The following EML5 variants were observed in gnomAD, a reference collection of about 807,000 sequenced individuals.
EML5 encodes the protein EMAP like 5.
Under a neutral mutation model 250.0 loss-of-function variants are expected in EML5, and 120 were observed. That is an observed-to-expected ratio of 0.48 (90% CI 0.41 to 0.56). The LOEUF is 0.56. Among genes scored for constraint, EML5 ranks in the 20% least tolerant of loss-of-function variants. The probability of loss-of-function intolerance (pLI) is 0.00; values close to 1 mark genes in which losing one functional copy is unlikely to be tolerated. For synonymous variants in EML5, 771 were observed against 806.5 expected (o/e 0.96, Z 0.75); for missense variants, 2,006 against 2,437.6 (o/e 0.82, Z 3.73).
At chr14:88,657,623 G>T in intron 26 of EML5, 121 bp from the exon 27 acceptor site, 1 of 914,850 alleles carries the variant, frequency 1.1e-6, no homozygotes, top group Non-Finnish European at 1.5e-6. Flanking sequence ...AGCAAATTAT[G>T]AAGTAATATA....
chr14:88,765,004 T>C (rs1184583662), intron 1 of EML5, among the ~76,000 whole-genome samples: 1 of 152,196 alleles, frequency 6.6e-6, no homozygotes. Context: ...TTCTATGCCA[T>C]GAATAATAAA....
In EML5 at chr14:88,622,687, C is replaced by T. The variant is rs755300657; in HGVS notation, c.4930G>A (p.Asp1644Asn). 3 of 1,609,616 alleles carry T rather than the reference C, an allele frequency of 1.9e-6. No individual in the cohort carries two copies. The South Asian group carries it at 3.3e-5, about 18-fold the overall frequency. ...SKEGGAVKLW[D>N]QELRRCRAFR... is the part of the protein sequence containing the mutation. ...GCACGGCACCGCCTCAGTTCCTGAT[C>T]CCACAGTTTAACCGCTCCTCCTTCT... is the stretch of plus-strand genomic sequence containing the variant. The change falls in exon 37 of 44, where the codon GAT becomes AAT. Residue 1644 changes from aspartate (D) to asparagine (N), a missense_variant. Coordinates refer to ENST00000554922, the MANE Select transcript of EML5 (RefSeq NM_183387.3).
At chr14:88,789,849 T>A (rs1595897880) in intron 1 of EML5, among the ~76,000 whole-genome samples, 1 of 152,368 alleles carries the variant, frequency 6.6e-6, no homozygotes, top group South Asian at 2.1e-4. Context: ...AACAGTTCTA[T>A]CCTCAGACTA....
intron 4 of EML5, among the ~76,000 whole-genome samples, chr14:88,741,253 A>C (rs2093921255): frequency 6.6e-6 from 1 of 152,166 alleles, no homozygotes; most frequent in Non-Finnish European, 1.5e-5. Flanking sequence ...AAGAAAAAGG[A>C]CCAAATCTAA....
chr14:88,713,284 C>T (rs759652483), intron 9 of EML5, among the ~76,000 whole-genome samples: 55 of 151,726 alleles, frequency 3.6e-4, no homozygotes, highest in Non-Finnish European at 7.2e-4. Flanking sequence ...CTCAGCTACT[C>T]GGGAGGCTGA....
Position 88,744,064 on chromosome 14 carries a change from G to A in EML5, c.484C>T (p.Gln162Ter). The part of the protein sequence containing the change: ...RIFDISWDLY[Q>*]PNKLVSCGVK... ...CCACAGCTGACAAGTTTATTTGGCT[G>A]GTACAAATCCCAAGAAATATCAAAT... The change falls in exon 4 of 44, where the codon CAG becomes TAG. Residue 162 changes from glutamine to a stop codon, truncating the protein, a stop_gained. Transcript: ENST00000554922. LOFTEE classifies it high-confidence loss of function. 6.4e-7 allele frequency: 1 copy of A among 1,572,380 alleles called. No individual in the cohort carries two copies. The highest frequency in any genetic ancestry group is 1.2e-5 in the South Asian group (1 of 85,076).
chr14:88,637,913 G>A (rs2090832032), intron 32 of EML5, among the ~76,000 whole-genome samples: 1 of 152,048 alleles, frequency 6.6e-6, no homozygotes, highest in Non-Finnish European at 1.5e-5. Flanking sequence ...GTAGAAAACT[G>A]TACAAAAAGG....
intron 21 of EML5, among the ~76,000 whole-genome samples, chr14:88,676,790 T>C (rs114018029): frequency 0.01 from 1,562 of 152,220 alleles, 25 homozygotes; most frequent in African/African-American, 0.036. Context: ...AACAGACACA[T>C]AGACCAAGGG....
intron 14 of EML5, among the ~76,000 whole-genome samples, chr14:88,698,993 G>A (rs368519322): frequency 4.6e-5 from 7 of 152,112 alleles, no homozygotes; most frequent in South Asian, 4.1e-4. Flanking sequence ...TGCCAGTAGC[G>A]AATAAGTGGA....
chr14:88,647,687 CAAAAAAAA>C (rs34191990), intron 28 of EML5, among the ~76,000 whole-genome samples: 1 of 48,744 alleles, frequency 2.1e-5, no homozygotes, highest in East Asian at 6.0e-4. Flanking sequence ...GAGACCGTCT[CAAAAAAAA>C]AAAAAAAAAA....
intron 27 of EML5, among the ~76,000 whole-genome samples, chr14:88,655,614 A>C (rs1228798265): frequency 1.3e-5 from 2 of 152,214 alleles, no homozygotes; most frequent in African/African-American, 4.8e-5. Context: ...ACAAAAGCAA[A>C]AATTGACAAA....
intron 9 of EML5, 65 bp from the exon 10 acceptor site, chr14:88,712,548 T>A: frequency 2.3e-6 from 3 of 1,329,718 alleles, no homozygotes; most frequent in South Asian, 3.0e-5. Context: ...GCCTAAACTG[T>A]ACTGAGAACA....
chr14:88,644,377 T>C, intron 30 of EML5, 56 bp downstream of exon 30: 1 of 1,535,496 alleles, frequency 6.5e-7, no homozygotes. Context: ...TTGGGTGTTT[T>C]ATAAAAAAGA....
In EML5 at chr14:88,688,485, A is replaced by C; in HGVS notation, c.2540-12T>G. On this transcript the variant is annotated splice_polypyrimidine_tract_variant and intron_variant, in intron 17 of 43. Coordinates refer to ENST00000554922, the MANE Select transcript of EML5 (RefSeq NM_183387.3). Reference sequence around the variant, plus strand: ...AATCAATCCTCCCCCTAGTTCACAAAAAATATTATGAAAGTACCACTTTCA... The same window carrying C: ...AATCAATCCTCCCCCTAGTTCACAACAAATATTATGAAAGTACCACTTTCA... 6.2e-7 allele frequency: 1 copy of C among 1,612,344 alleles called. No homozygotes were observed. Among genetic ancestry groups the C allele is most frequent in the Middle Eastern group, 1.7e-4 (1 of 6,058 alleles).
chr14:88,679,198 T>A (rs372370268), intron 21 of EML5, among the ~76,000 whole-genome samples: 1 of 150,014 alleles, frequency 6.7e-6, no homozygotes, highest in African/African-American at 2.5e-5. Context: ...TTATATCTGC[T>A]AATACTCTAT....
chr14:88,702,425 T>C (rs374602200), intron 14 of EML5, 21 bp downstream of exon 14: 71 of 1,582,036 alleles, frequency 4.5e-5, no homozygotes, highest in Middle Eastern at 3.4e-4. Context: ...ATCTGGCTTA[T>C]TGTCAGTCTT....
chr14:88,721,804 A>T (rs2140018979), intron 8 of EML5, among the ~76,000 whole-genome samples: 1 of 152,344 alleles, frequency 6.6e-6, no homozygotes, highest in South Asian at 2.1e-4. Context: ...GCACAATAAA[A>T]GAAACTATCA....
chr14:88,787,260 C>T (rs1212159378), intron 1 of EML5, among the ~76,000 whole-genome samples: 2 of 152,182 alleles, frequency 1.3e-5, no homozygotes, highest in East Asian at 1.9e-4. Context: ...TACATTAGTG[C>T]TATTCCTAGT....
rs146788782 is a variant in EML5, at chr14:88,732,326, G to A, written c.1049+4038C>T. 5.1e-3 allele frequency among the ~76,000 whole-genome samples: 783 copies of A among 152,054 alleles called. 15 individuals carry two copies. The East Asian group carries it at 0.054, about 10-fold the overall frequency. On this transcript the variant is annotated intron_variant, in intron 7 of 43. Transcript: ENST00000554922. ...AGCACCATTTATTAAATAGGGAATC[G>A]TTTCCCCATTTCTTGTTTTTGTCAG...
Sources: allele counts gnomAD v4.1 joint callset (sites outside exome capture counted in the v4.1 genomes callset), GRCh38; gene constraint gnomAD v4.1.1; transcripts MANE v1.5; gene names NCBI Gene and HGNC (gene_info 2026-07-23, HGNC 2026-07-21).